PRSS33: variants seen among roughly 807,000 people sequenced by gnomAD.
PRSS33 encodes the protein serine protease 33.
Under a neutral mutation model 26.7 loss-of-function variants are expected in PRSS33, and 32 were observed. The observed-to-expected ratio is 1.20, with a 90% CI of 0.90 to 1.61. The LOEUF (loss-of-function observed/expected upper bound fraction) is 1.61. PRSS33 is among the 40% of genes most tolerant of loss of function. The pLI is 0.00. For synonymous variants in PRSS33, 192 were observed against 177.6 expected (o/e 1.08, Z -0.64); for missense variants, 450 against 396.3 (o/e 1.14, Z -1.15).
At chr16:2,786,365 G>A (rs1031867688) in intron 2 of PRSS33, 137 bp downstream of exon 2, 7 of 1,058,486 alleles carry the variant, frequency 6.6e-6, no homozygotes, top group Non-Finnish European at 8.4e-6. Context: ...GTCAGTGGCA[G>A]AGAGGATTGA....
intron 2 of PRSS33, 88 bp from the exon 3 acceptor site, chr16:2,786,209 G>C: frequency 1.7e-6 from 2 of 1,186,196 alleles, no homozygotes; most frequent in Non-Finnish European, 2.5e-6. Context: ...AGGAAGGAGG[G>C]TGAAACAATG....
At chr16:2,785,701 G>A in intron 4 of PRSS33, 55 bp from the exon 5 acceptor site, 1 of 1,469,068 alleles carries the variant, frequency 6.8e-7, no homozygotes, top group East Asian at 2.5e-5. Flanking sequence ...ACCCCCTCCA[G>A]CCCGCCTCGA....
In PRSS33 at chr16:2,785,837, G is replaced by A. The variant is rs2068867566; in HGVS notation, c.204C>T (p.Ala68=). 6.2e-7 allele frequency: 1 copy of A among 1,606,392 alleles called. No individual in the cohort carries two copies. Among genetic ancestry groups the A allele is most frequent in the Admixed American group, 1.7e-5 (1 of 59,648 alleles). ...GCGCCGCTGTCAGCACCCACTGGGG[G>A]GCGATGAGCGACCCCCCGCACACGT... ...GAHVCGGSLI[A]PQWVLTAAHC... Residue 68 remains alanine, a synonymous_variant, in exon 4 of 7, where the codon GCC becomes GCT. Coordinates refer to ENST00000682474, the MANE Select transcript of PRSS33 (RefSeq NM_152891.3).
chr16:2,784,734 C>T lies in PRSS33; in HGVS notation c.753G>A (p.Trp251Ter), dbSNP rs2068852626. 1.2e-6 allele frequency: 2 copies of T among 1,607,588 alleles called. No individual in the cohort carries two copies. The highest frequency in any genetic ancestry group is 1.7e-6 in the Non-Finnish European group (2 of 1,177,332). Residue 251 changes from tryptophan (W) to a stop codon, truncating the protein, a stop_gained, in exon 7 of 7, where the codon TGG becomes TGA. Coordinates refer to ENST00000682474, the MANE Select transcript of PRSS33 (RefSeq NM_152891.3). LOFTEE classifies it low-confidence loss of function (END_TRUNC). Reference sequence around the variant, plus strand: ...GGTTGGGCAGGGCACAACCCTTGCCCCAGCTCACCACGCCCACCAGGACCC... The same window carrying T: ...GGTTGGGCAGGGCACAACCCTTGCCTCAGCTCACCACGCCCACCAGGACCC... Reference protein sequence around the residue: ...GSWVLVGVVSWGKGCALPNRP... With the variant: ...GSWVLVGVVS
intron 1 of PRSS33, among the ~76,000 whole-genome samples, 95 bp downstream of exon 1, chr16:2,787,438 A>C (rs556225650): frequency 3.8e-5 from 3 of 78,860 alleles, no homozygotes; most frequent in Non-Finnish European, 7.6e-5. Flanking sequence ...CCTCATCCTC[A>C]CCCCCTCCCC....
At chr16:2,785,321 G>A in intron 5 of PRSS33, 54 bp downstream of exon 5, 6 of 1,459,970 alleles carry the variant, frequency 4.1e-6, no homozygotes, top group East Asian at 2.4e-5. Context: ...CCAGTCAGAT[G>A]GAGGAGGACG....
intron 1 of PRSS33, 142 bp from the exon 2 acceptor site, chr16:2,786,746 T>A: frequency 1.7e-6 from 1 of 595,570 alleles, no homozygotes; most frequent in Non-Finnish European, 2.9e-6. Context: ...CCAGGCTGTA[T>A]ACCCTTCGTT....
intron 5 of PRSS33, 86 bp downstream of exon 5, chr16:2,785,289 G>T: frequency 6.9e-7 from 1 of 1,441,978 alleles, no homozygotes; most frequent in East Asian, 2.4e-5. Flanking sequence ...TCCTGGATTG[G>T]GGCAGTGAGG....
At position 2,785,860 on chromosome 16, in the gene PRSS33, C is replaced by G; in HGVS notation, c.181G>C (p.Val61Leu). 7.5e-6 allele frequency: 12 copies of G among 1,609,332 alleles called. No individual in the cohort carries two copies. The highest frequency in any genetic ancestry group is 1.0e-5 in the Non-Finnish European group (12 of 1,178,996). ...QASIQHRGAH[V>L]CGGSLIAPQW... ...GGGGCGATGAGCGACCCCCCGCACACGTGTGCCCCACGATGCTGGATGCTC... is the reference window on the plus strand; with the variant it reads ...GGGGCGATGAGCGACCCCCCGCACAGGTGTGCCCCACGATGCTGGATGCTC... Residue 61 changes from valine (V) to leucine (L), a missense_variant, in exon 4 of 7, where the codon GTG becomes CTG. Physicochemically the swap from Val to Leu is conservative, Grantham distance 32. Transcript: ENST00000682474.
Position 2,785,949 on chromosome 16 carries a change from G to C in PRSS33, c.92C>G (p.Pro31Arg), listed in dbSNP as rs559071195. The C allele has an allele frequency of 3.1e-6, 5 of 1,612,792 alleles. No individual in the cohort carries two copies. The African/African-American group carries it at 4.0e-5, about 13-fold the overall frequency. ...QGRKSAACGQ[P>R]RMSSRIVGGR... The stretch of plus-strand genomic sequence containing the variant: ...CCCAACGATCCGACTGGACATGCGG[G>C]GCTGCCCGCAGGCTAGAAAAGGACC... The change falls in exon 4 of 7, where the codon CCC (proline) becomes CGC (arginine). Residue 31 changes from proline (P) to arginine (R), a missense_variant. Pro to Arg is a moderately radical substitution (Grantham distance 103). Coordinates refer to ENST00000682474, the MANE Select transcript of PRSS33 (RefSeq NM_152891.3).
intron 5 of PRSS33, 48 bp downstream of exon 5, chr16:2,785,327 G>T: frequency 2.1e-6 from 3 of 1,458,216 alleles, no homozygotes; most frequent in East Asian, 2.4e-5. Context: ...AGATGGAGGA[G>T]GACGTGGGGG....
At position 2,786,166 on chromosome 16, in the gene PRSS33, C is replaced by T. The variant is rs2068872528; in HGVS notation, c.47-45G>A. ...AGGGACCAGATTATAGATTTGGTGT[C>T]AAATAACGGAGTTGGAGGGGAGGCC... On this transcript the variant is annotated intron_variant, in intron 2 of 6. Coordinates refer to ENST00000682474, the MANE Select transcript of PRSS33 (RefSeq NM_152891.3). The T allele has an allele frequency of 3.8e-6, 6 of 1,563,650 alleles. No homozygotes were observed. The East Asian group carries it at 1.3e-4, about 35-fold the overall frequency.
intron 1 of PRSS33, chr16:2,786,836 A>AC: frequency 4.0e-6 from 1 of 248,970 alleles, no homozygotes; most frequent in South Asian, 6.8e-5. Context: ...CTGGAGCCTA[A>AC]CCCCCCTCGG....
chr16:2,785,191 C>T lies in PRSS33; in HGVS notation c.515-20G>A, dbSNP rs773326023. 5 of 1,525,468 alleles carry T rather than the reference C, an allele frequency of 3.3e-6. No individual in the cohort carries two copies. In the African/African-American group the frequency reaches 4.1e-5, roughly 13 times the overall value. 94.5% of individuals were successfully genotyped at this position (1,525,468 alleles called of 1,614,324 possible). A position where few individuals can be genotyped will look rare whatever the true frequency, so the allele number is the denominator to read the frequency against. On this transcript the variant is annotated intron_variant, in intron 5 of 6. Transcript: ENST00000682474. The stretch of plus-strand genomic sequence containing the variant: ...GGGGCACTGGGGGAAGAGGAGGGAC[C>T]TCTGAGAGGAAGGCGTGGAGCGGGG...
In PRSS33 at chr16:2,784,537, T is replaced by A. The variant is rs2068850152; in HGVS notation, c.*107A>T. The A allele has an allele frequency of 1.7e-6, 2 of 1,165,736 alleles. No individual in the cohort carries two copies. Among genetic ancestry groups the A allele is most frequent in the Admixed American group, 2.9e-5 (1 of 34,576 alleles). The allele number at this position is 1,165,736 out of a possible 1,614,324, so 72.2% of individuals were successfully genotyped here. A position where few individuals can be genotyped will look rare whatever the true frequency, so the allele number is the denominator to read the frequency against. ...GGGTGGCCTTTAGCTTTTTTAGGCA[T>A]CTTGGCCTCGAGGCAGAAGGGATGT... On this transcript the variant is annotated 3_prime_UTR_variant, in exon 7 of 7. Transcript: ENST00000682474.
Position 2,785,446 on chromosome 16 carries a change from G to A in PRSS33, c.443C>T (p.Pro148Leu). The part of the protein sequence containing the change: ...LSARVQPVCL[P>L]VPGARPPPGT... ...GGGCGGCGGGCGGGCGCCGGGCACG[G>A]GCAGGCAGACGGGTTGGACGCGAGC... Residue 148 changes from proline to leucine, a missense_variant, in exon 5 of 7, where the codon CCC becomes CTC. Physicochemically the swap from Pro to Leu is moderately conservative, Grantham distance 98 (BLOSUM62 -3). Coordinates refer to ENST00000682474, the MANE Select transcript of PRSS33 (RefSeq NM_152891.3). 1 of 1,498,236 alleles carries A rather than the reference G, an allele frequency of 6.7e-7. No individual in the cohort carries two copies. The highest frequency in any genetic ancestry group is 1.3e-5 in the South Asian group (1 of 79,830). 92.8% of individuals were successfully genotyped at this position (1,498,236 alleles called of 1,614,324 possible).
At position 2,786,431 on chromosome 16, in the gene PRSS33, G is replaced by T. The variant is rs2068874894; in HGVS notation, c.46+71C>A. On this transcript the variant is annotated intron_variant, in intron 2 of 6. Coordinates refer to ENST00000682474, the MANE Select transcript of PRSS33 (RefSeq NM_152891.3). Reference sequence around the variant, plus strand: ...AGTGCTCCAGGGAGCCCGGCCCAGGGAGCAGTGAGATGGGAGAACTGGGAG... The same window carrying T: ...AGTGCTCCAGGGAGCCCGGCCCAGGTAGCAGTGAGATGGGAGAACTGGGAG... The T allele has an allele frequency of 3.2e-6, 5 of 1,580,534 alleles. No homozygotes were observed. In the South Asian group the frequency reaches 3.4e-5, roughly 11 times the overall value.
chr16:2,784,607 C>T lies in PRSS33; in HGVS notation c.*37G>A. The stretch of plus-strand genomic sequence containing the variant: ...GGATGAACCAGGAGGCTGAGGGACC[C>T]CAGCAGCTGGCTCCAGGTCAGCCTC... On this transcript the variant is annotated 3_prime_UTR_variant, in exon 7 of 7. Coordinates refer to ENST00000682474, the MANE Select transcript of PRSS33 (RefSeq NM_152891.3). The T allele has an allele frequency of 6.5e-7, 1 of 1,534,264 alleles. No individual in the cohort carries two copies. Among genetic ancestry groups the T allele is most frequent in the South Asian group, 1.2e-5 (1 of 82,096 alleles).
chr16:2,786,636 C>G, intron 1 of PRSS33, 32 bp from the exon 2 acceptor site: 1 of 1,479,160 alleles, frequency 6.8e-7, no homozygotes. Flanking sequence ...GAGGAGAGTC[C>G]TGGCCCAGGG....
Sources: gnomAD v4.1 joint callset for allele counts (sites outside exome capture counted in the v4.1 genomes callset) on GRCh38, gnomAD v4.1.1 for gene constraint, MANE v1.5 for transcripts, NCBI Gene and HGNC (gene_info 2026-07-23, HGNC 2026-07-21) for gene names.